ZNF521: variants seen among roughly 807,000 people sequenced by gnomAD.
ZNF521 encodes the protein zinc finger protein 521.
ZNF521 carries 14 observed loss-of-function variants against 105.5 expected under a neutral mutation model. The ratio of observed to expected loss-of-function variants is 0.13; its 90% CI spans 0.09 to 0.21. The LOEUF (loss-of-function observed/expected upper bound fraction) is 0.21. Among genes scored for constraint, ZNF521 ranks in the 10% least tolerant of loss-of-function variants. The probability of loss-of-function intolerance (pLI) is 1.00; values close to 1 mark genes in which losing one functional copy is unlikely to be tolerated. For synonymous variants in ZNF521, 635 were observed against 606.0 expected, an observed-to-expected ratio of 1.05 and a Z score of -0.70; for missense variants, 1,233 against 1,629.7, an observed-to-expected ratio of 0.76 and a Z score of 4.19.
At position 25,338,335 on chromosome 18, in the gene ZNF521, T is replaced by C. The variant is rs150471414; in HGVS notation, c.40+12572A>G. ...AAGAATAAAGACAACAGAAAAGGCA[T>C]AGGAAATGTGAGTTGAAAGTGGAAA... On this transcript the variant is annotated intron_variant, in intron 2 of 7. Transcript: ENST00000361524. 7.9e-4 allele frequency among the ~76,000 whole-genome samples: 116 copies of C among 146,854 alleles called. No homozygotes were observed. In the Middle Eastern group the frequency reaches 0.019, roughly 24 times the overall value.
intron 5 of ZNF521, among the ~76,000 whole-genome samples, chr18:25,127,700 T>C (rs962691164): frequency 1.3e-5 from 2 of 152,070 alleles, no homozygotes; most frequent in Non-Finnish European, 2.9e-5. Flanking sequence ...TAATCACTTA[T>C]AATAATTTTG....
chr18:25,306,676 A>T (rs943243045), intron 3 of ZNF521, among the ~76,000 whole-genome samples: 1 of 152,140 alleles, frequency 6.6e-6, no homozygotes, highest in Non-Finnish European at 1.5e-5. Context: ...ACTTGCTGTA[A>T]CAATCCCAGC....
intron 4 of ZNF521, among the ~76,000 whole-genome samples, chr18:25,203,006 T>C (rs2036018133): frequency 6.6e-6 from 1 of 152,328 alleles, no homozygotes; most frequent in East Asian, 1.9e-4. Flanking sequence ...AAAAAATCCA[T>C]GTAACACTTT....
At chr18:25,129,282 T>TTAA (rs1555637217) in intron 5 of ZNF521, among the ~76,000 whole-genome samples, 2,435 of 109,992 alleles carry the variant, frequency 0.022, 35 homozygotes, top group Middle Eastern at 0.055. Context: ...ATTATTATTA[T>TTAA]TAATTAATCT....
At chr18:25,271,441 A>G (rs902410568) in intron 3 of ZNF521, among the ~76,000 whole-genome samples, 2 of 152,228 alleles carry the variant, frequency 1.3e-5, no homozygotes, top group African/African-American at 2.4e-5. Flanking sequence ...TGGAACCAAA[A>G]AAGAGCCTGC....
intron 3 of ZNF521, among the ~76,000 whole-genome samples, chr18:25,318,099 A>G (rs867243769): frequency 6.6e-6 from 1 of 152,218 alleles, no homozygotes; most frequent in Non-Finnish European, 1.5e-5. Context: ...AAAACAAATA[A>G]TGATATGTTC....
chr18:25,338,676 T>C (rs1914036085), intron 2 of ZNF521, among the ~76,000 whole-genome samples: 1 of 152,176 alleles, frequency 6.6e-6, no homozygotes. Context: ...TCTCCCAAAA[T>C]CCTAGGATTA....
In ZNF521 at chr18:25,281,241, A is replaced by T. The variant is rs1910361728; in HGVS notation, c.220+40767T>A. 2.0e-5 allele frequency among the ~76,000 whole-genome samples: 3 copies of T among 152,226 alleles called. No individual in the cohort carries two copies. The South Asian group carries it at 6.2e-4, about 32-fold the overall frequency. On this transcript the variant is annotated intron_variant, in intron 3 of 7. Coordinates refer to ENST00000361524, the MANE Select transcript of ZNF521 (RefSeq NM_015461.3). ...AAAATAATGAGCAAAGCAAGAAGCAATCTCAAACACACGTGAGGAAATTAT... is the reference window on the plus strand; with the variant it reads ...AAAATAATGAGCAAAGCAAGAAGCATTCTCAAACACACGTGAGGAAATTAT...
intron 7 of ZNF521, among the ~76,000 whole-genome samples, chr18:25,086,501 C>T (rs2033626072): frequency 6.6e-6 from 1 of 152,118 alleles, no homozygotes; most frequent in Non-Finnish European, 1.5e-5. Flanking sequence ...ACTAAAGCCA[C>T]TGACATTATT....
intron 5 of ZNF521, among the ~76,000 whole-genome samples, chr18:25,190,357 T>C (rs1470631369): frequency 6.6e-6 from 1 of 152,178 alleles, no homozygotes; most frequent in East Asian, 1.9e-4. Flanking sequence ...ATGGAGATTA[T>C]AAACACATAT....
chr18:25,346,080 T>C (rs1276672539), intron 2 of ZNF521, among the ~76,000 whole-genome samples: 1 of 152,198 alleles, frequency 6.6e-6, no homozygotes, highest in Non-Finnish European at 1.5e-5. Context: ...TCACAACCTA[T>C]CTAAAAATAA....
At chr18:25,244,963 G>A (rs1325604440) in intron 3 of ZNF521, among the ~76,000 whole-genome samples, 1 of 152,182 alleles carries the variant, frequency 6.6e-6, no homozygotes, top group Admixed American at 6.5e-5. Flanking sequence ...GAAAATGTGT[G>A]GTGAATTCCA....
intron 5 of ZNF521, among the ~76,000 whole-genome samples, chr18:25,118,364 G>C (rs767025937): frequency 6.6e-6 from 1 of 151,850 alleles, no homozygotes; most frequent in Non-Finnish European, 1.5e-5. Flanking sequence ...AACATAAACA[G>C]TAAATATCTA....
intron 5 of ZNF521, among the ~76,000 whole-genome samples, chr18:25,125,707 T>C (rs1269525969): frequency 7.3e-6 from 1 of 137,486 alleles, no homozygotes; most frequent in African/African-American, 2.7e-5. Flanking sequence ...CAGGATAGAT[T>C]TAGTTTTCAA....
At chr18:25,081,929 C>T (rs1479040340) in intron 7 of ZNF521, among the ~76,000 whole-genome samples, 1 of 152,156 alleles carries the variant, frequency 6.6e-6, no homozygotes, top group African/African-American at 2.4e-5. Context: ...TAACTTTCTG[C>T]CTTCAATGGT....
chr18:25,120,984 A>T (rs2034428932), intron 5 of ZNF521, among the ~76,000 whole-genome samples: 5 of 152,156 alleles, frequency 3.3e-5, no homozygotes, highest in Admixed American at 3.3e-4. Flanking sequence ...TCTCAAGTTT[A>T]TCTTTCTCAG....
chr18:25,082,552 T>C, intron 7 of ZNF521: 4 of 448,716 alleles, frequency 8.9e-6, no homozygotes, highest in Admixed American at 2.4e-5. Context: ...AAAAGAAATT[T>C]TGGCCTGGTG....
chr18:25,269,634 A>G (rs886917343), intron 3 of ZNF521, among the ~76,000 whole-genome samples: 6 of 152,168 alleles, frequency 3.9e-5, no homozygotes, highest in Admixed American at 3.3e-4. Flanking sequence ...GAATTAAGAA[A>G]CTCACTCAAA....
intron 2 of ZNF521, among the ~76,000 whole-genome samples, chr18:25,343,253 G>A (rs1182105874): frequency 2.0e-5 from 3 of 152,144 alleles, no homozygotes; most frequent in African/African-American, 7.2e-5. Context: ...AATAAAGTCA[G>A]TGAAATAATG....
Sources: gnomAD v4.1 joint callset for allele counts (sites outside exome capture counted in the v4.1 genomes callset) on GRCh38, gnomAD v4.1.1 for gene constraint, MANE v1.5 for transcripts, NCBI Gene and HGNC (gene_info 2026-07-23, HGNC 2026-07-21) for gene names.